The following SGCD variants were observed in gnomAD, a reference collection of about 807,000 sequenced individuals.
SGCD encodes the protein delta-sarcoglycan.
A neutral mutation model predicts 36.6 loss-of-function variants in SGCD; 18 were observed. That is an observed-to-expected ratio of 0.49 (90% CI 0.34 to 0.73). The LOEUF (loss-of-function observed/expected upper bound fraction) is 0.73. Ranked by LOEUF, SGCD falls within the 30% of genes least tolerant of loss-of-function variation. The pLI is 0.01. For synonymous variants in SGCD, 133 were observed against 130.6 expected (o/e 1.02, Z -0.12); for missense variants, 387 against 346.7 (o/e 1.12, Z -0.92).
the SGCD span, among the ~76,000 whole-genome samples, chr5:155,752,458 C>T: frequency 6.6e-6 from 1 of 152,128 alleles, no homozygotes; most frequent in East Asian, 1.9e-4. Context: ...GGTACCCCTC[C>T]TTACTCAGGC....
At chr5:156,455,257 T>C (rs984286583) in intron 3 of SGCD, among the ~76,000 whole-genome samples, 13 of 152,150 alleles carry the variant, frequency 8.5e-5, no homozygotes, top group Non-Finnish European at 1.6e-4. Flanking sequence ...AGCCAGTGTA[T>C]GGCAGTCTCT....
intron 1 of SGCD, among the ~76,000 whole-genome samples, chr5:156,328,487 A>T (rs888024007): frequency 1.4e-4 from 21 of 152,338 alleles, no homozygotes; most frequent in Admixed American, 1.2e-3. Context: ...GTGTCCTACA[A>T]TCTTTAAACA....
At chr5:156,451,349 G>T (rs1754004459) in intron 3 of SGCD, among the ~76,000 whole-genome samples, 1 of 152,146 alleles carries the variant, frequency 6.6e-6, no homozygotes, top group Admixed American at 6.6e-5. Context: ...ATTTCAACAA[G>T]CAGGAAGGTC....
At chr5:155,929,161 T>C (rs1227020203) in intron 1 of SGCD, among the ~76,000 whole-genome samples, 2 of 152,190 alleles carry the variant, frequency 1.3e-5, no homozygotes, top group Non-Finnish European at 2.9e-5. Context: ...TGTTTTTAAT[T>C]GTGGAGAATA....
intron 3 of SGCD, among the ~76,000 whole-genome samples, chr5:156,380,625 A>T (rs1308047727): frequency 6.6e-6 from 1 of 152,194 alleles, no homozygotes; most frequent in Non-Finnish European, 1.5e-5. Flanking sequence ...GTTAAGACTG[A>T]TGTAGGTTAG....
intron 1 of SGCD, among the ~76,000 whole-genome samples, chr5:156,043,161 G>A (rs1486446181): frequency 6.6e-6 from 1 of 152,124 alleles, no homozygotes; most frequent in African/African-American, 2.4e-5. Context: ...AGTTTTTGCT[G>A]AACATAGAGC....
At chr5:155,727,948 A>G in the SGCD span, among the ~76,000 whole-genome samples, 16 of 152,130 alleles carry the variant, frequency 1.1e-4, no homozygotes, top group Non-Finnish European at 2.1e-4. Context: ...CCCTTGGCGG[A>G]GACACGTAGT....
chr5:155,900,985 GGCATGT>G (rs1424820999), intron 1 of SGCD, among the ~76,000 whole-genome samples: 3 of 152,090 alleles, frequency 2.0e-5, no homozygotes, highest in African/African-American at 7.2e-5. Context: ...CTGGAGTTTT[GGCATGT>G]GTCTCATATT....
chr5:156,206,246 T>A (rs935249972), intron 3 of SGCD, among the ~76,000 whole-genome samples: 3 of 151,924 alleles, frequency 2.0e-5, no homozygotes, highest in Non-Finnish European at 4.4e-5. Flanking sequence ...CGTACAGTGG[T>A]GTGTTCAACC....
At chr5:156,048,246 C>A (rs1489829237) in intron 1 of SGCD, among the ~76,000 whole-genome samples, 6 of 152,010 alleles carry the variant, frequency 3.9e-5, no homozygotes, top group African/African-American at 1.2e-4. Flanking sequence ...GCTTGGTTCC[C>A]AGTCTTTGCT....
At chr5:156,630,964 C>A (rs1762610197) in intron 6 of SGCD, among the ~76,000 whole-genome samples, 1 of 152,034 alleles carries the variant, frequency 6.6e-6, no homozygotes, top group Admixed American at 6.6e-5. Context: ...AAAAGGAGGG[C>A]TAAATAAACT....
At chr5:155,816,562 A>G in the SGCD span, among the ~76,000 whole-genome samples, 7 of 152,294 alleles carry the variant, frequency 4.6e-5, no homozygotes, top group African/African-American at 1.7e-4. Flanking sequence ...TCTACATATA[A>G]GTGGATCCAT....
chr5:156,559,042 A>G (rs934317882), intron 4 of SGCD, among the ~76,000 whole-genome samples: 2 of 152,138 alleles, frequency 1.3e-5, no homozygotes, highest in African/African-American at 4.8e-5. Flanking sequence ...CATCTGAGAG[A>G]TGTGAGTTGA....
At chr5:155,920,056 C>A (rs952415309) in intron 1 of SGCD, among the ~76,000 whole-genome samples, 1 of 152,080 alleles carries the variant, frequency 6.6e-6, no homozygotes, top group African/African-American at 2.4e-5. Flanking sequence ...ACCCTAGATG[C>A]GATTATTCTT....
chr5:156,742,981 G>C (rs976448202), intron 7 of SGCD, among the ~76,000 whole-genome samples: 2 of 152,104 alleles, frequency 1.3e-5, no homozygotes, highest in Admixed American at 6.6e-5. Context: ...CAAATGTATG[G>C]GTACCTGTGG....
chr5:156,565,703 C>G (rs553411694), intron 4 of SGCD, among the ~76,000 whole-genome samples: 1 of 152,118 alleles, frequency 6.6e-6, no homozygotes, highest in Non-Finnish European at 1.5e-5. Flanking sequence ...CCTAGCCCCC[C>G]ACCCACCGAC....
At chr5:156,402,386 A>T (rs1580934250) in intron 3 of SGCD, among the ~76,000 whole-genome samples, 1 of 152,320 alleles carries the variant, frequency 6.6e-6, no homozygotes, top group African/African-American at 2.4e-5. Context: ...GCATAGAGCA[A>T]TTTTTTGCAA....
chr5:156,165,543 G>A (rs1420984511), intron 3 of SGCD, among the ~76,000 whole-genome samples: 1 of 152,150 alleles, frequency 6.6e-6, no homozygotes. Context: ...ATGGATCCCA[G>A]ATGTTTCAAT....
the SGCD span, among the ~76,000 whole-genome samples, chr5:155,728,007 C>A: frequency 2.0e-5 from 3 of 152,200 alleles, no homozygotes; most frequent in Non-Finnish European, 2.9e-5. Flanking sequence ...GAGCTCCCCC[C>A]ACCCCGCCCG....
Sources: gnomAD v4.1 joint callset for allele counts (sites outside exome capture counted in the v4.1 genomes callset) on GRCh38, gnomAD v4.1.1 for gene constraint, MANE v1.5 for transcripts, NCBI Gene and HGNC (gene_info 2026-07-23, HGNC 2026-07-21) for gene names.